The following ICA1L variants were observed in gnomAD, a reference collection of about 807,000 sequenced individuals.
ICA1L encodes the protein islet cell autoantigen 1 like.
Under a neutral mutation model 61.3 loss-of-function variants are expected in ICA1L, and 50 were observed. That is an observed-to-expected ratio of 0.82 (90% CI 0.65 to 1.03). The LOEUF (loss-of-function observed/expected upper bound fraction) is 1.03. Ranked by LOEUF, ICA1L falls within the 50% of genes least tolerant of loss-of-function variation. The probability of loss-of-function intolerance (pLI) is 0.00; values close to 1 mark genes in which losing one functional copy is unlikely to be tolerated. For missense variants in ICA1L, 508 were observed against 556.7 expected (o/e 0.91, Z 0.88); for synonymous variants, 161 against 191.3 (o/e 0.84, Z 1.31).
At chr2:202,844,021 A>G (rs1694404798) in intron 1 of ICA1L, among the ~76,000 whole-genome samples, 1 of 152,192 alleles carries the variant, frequency 6.6e-6, no homozygotes, top group African/African-American at 2.4e-5. Context: ...TGTTGAATAG[A>G]ATTCCATTGT....
intron 11 of ICA1L, among the ~76,000 whole-genome samples, chr2:202,788,624 C>T (rs79566125): frequency 2.0e-5 from 3 of 151,628 alleles, no homozygotes; most frequent in East Asian, 3.9e-4. Context: ...TGAAGGTGGG[C>T]AGGGAAACAG....
rs774515239 is a variant in ICA1L, at chr2:202,828,977, ATCT to A, written c.30_32del (p.Glu10del). 6.2e-7 allele frequency: 1 copy of A among 1,603,204 alleles called. No homozygotes were observed. Among genetic ancestry groups the A allele is most frequent in the South Asian group, 1.1e-5 (1 of 88,830 alleles). ...GCATTCTTCTGACTACTGACTGATTATCTTCTGGTCTGGGTTGCCCAAAGGAAT... is the reference window on the plus strand; with the variant it reads ...GCATTCTTCTGACTACTGACTGATTATCTGGTCTGGGTTGCCCAAAGGAAT... On this transcript the variant is annotated inframe_deletion, in exon 2 of 13. Coordinates refer to ENST00000358299, the MANE Select transcript of ICA1L (RefSeq NM_001288622.3).
At chr2:202,805,252 A>T (rs1406482666) in intron 9 of ICA1L, among the ~76,000 whole-genome samples, 1 of 152,222 alleles carries the variant, frequency 6.6e-6, no homozygotes, top group African/African-American at 2.4e-5. Context: ...TGAGGGGATG[A>T]AAATGTTCTA....
intron 1 of ICA1L, among the ~76,000 whole-genome samples, chr2:202,835,090 T>A (rs2105865568): frequency 6.6e-6 from 1 of 152,264 alleles, no homozygotes; most frequent in East Asian, 1.9e-4. Context: ...ATATTTATAT[T>A]TATGATGTAT....
At position 202,779,653 on chromosome 2, in the gene ICA1L, TAAAAA is replaced by T. The variant is rs755962113; in HGVS notation, c.1334-10_1334-6del. On this transcript the variant is annotated splice_polypyrimidine_tract_variant and splice_region_variant and intron_variant, in intron 12 of 12. Coordinates refer to ENST00000358299, the MANE Select transcript of ICA1L (RefSeq NM_001288622.3). ...CTTGGTTGCCATTGTTGGGGGCTAT[TAAAAA>T]AGAAAAAAAATACATTAAAGAGATT... 7.1e-6 allele frequency: 11 copies of T among 1,547,184 alleles called. No individual in the cohort carries two copies. Among genetic ancestry groups the T allele is most frequent in the Non-Finnish European group, 9.7e-6 (11 of 1,129,742 alleles).
chr2:202,853,581 A>G (rs1694691036), intron 1 of ICA1L, among the ~76,000 whole-genome samples: 1 of 152,062 alleles, frequency 6.6e-6, no homozygotes, highest in African/African-American at 2.4e-5. Context: ...AACCTACAGA[A>G]TGGGAGAAAA....
chr2:202,869,092 G>C (rs1574394534), intron 1 of ICA1L, among the ~76,000 whole-genome samples: 1 of 152,114 alleles, frequency 6.6e-6, no homozygotes, highest in Admixed American at 6.5e-5. Flanking sequence ...AGGCGTGGTG[G>C]CTCACGCCTG....
intron 3 of ICA1L, 34 bp downstream of exon 3, chr2:202,825,660 TG>T: frequency 7.2e-7 from 1 of 1,398,590 alleles, no homozygotes; most frequent in South Asian, 1.3e-5. Context: ...TTATTTTAAA[TG>T]GGGATTATCA....
chr2:202,829,943 A>G (rs569831222), intron 1 of ICA1L, among the ~76,000 whole-genome samples: 29 of 152,340 alleles, frequency 1.9e-4, no homozygotes, highest in African/African-American at 6.7e-4. Context: ...CATCCATTTA[A>G]TATTTTCAGA....
At chr2:202,840,527 T>A (rs886317968) in intron 1 of ICA1L, 2 of 545,984 alleles carry the variant, frequency 3.7e-6, no homozygotes, top group East Asian at 9.4e-5. Context: ...ACCACCTGCA[T>A]AGCCACTGGT....
chr2:202,811,897 TA>T, intron 8 of ICA1L, 108 bp from the exon 9 acceptor site: 1 of 780,564 alleles, frequency 1.3e-6, no homozygotes, highest in South Asian at 1.5e-5. Flanking sequence ...TCAGGAAACA[TA>T]AAATCATTGT....
chr2:202,857,863 G>GA (rs1355927242), intron 1 of ICA1L, among the ~76,000 whole-genome samples: 5 of 151,908 alleles, frequency 3.3e-5, no homozygotes, highest in African/African-American at 4.8e-5. Flanking sequence ...GAAACATACG[G>GA]AAAAAAAACT....
At position 202,774,563 on chromosome 2, in the gene ICA1L, TCA is replaced by T; in HGVS notation, c.*4968_*4969del. The T allele has an allele frequency of 2.6e-6, 1 of 378,736 alleles. No individual in the cohort carries two copies. Among genetic ancestry groups the T allele is most frequent in the Non-Finnish European group, 4.7e-6 (1 of 213,078 alleles). 23.5% of individuals were successfully genotyped at this position (378,736 alleles called of 1,614,324 possible). A position where few individuals can be genotyped will look rare whatever the true frequency, so the allele number is the denominator to read the frequency against. On this transcript the variant is annotated 3_prime_UTR_variant, in exon 13 of 13. Transcript: ENST00000358299. ...CACAGGAAAAAAAGTTGTAATATAC[TCA>T]CAGGTCCTAGAGAGACCAGTCACTG...
chr2:202,805,816 A>G (rs1485914742), intron 9 of ICA1L, among the ~76,000 whole-genome samples: 1 of 152,206 alleles, frequency 6.6e-6, no homozygotes, highest in Non-Finnish European at 1.5e-5. Flanking sequence ...AAAAGATAAA[A>G]TAATAGCATG....
At chr2:202,807,960 A>T (rs1054252403) in intron 9 of ICA1L, among the ~76,000 whole-genome samples, 1 of 152,126 alleles carries the variant, frequency 6.6e-6, no homozygotes, top group African/African-American at 2.4e-5. Context: ...CTGAATAAAC[A>T]TCAGCAGCAC....
chr2:202,821,423 A>T lies in ICA1L; in HGVS notation c.294T>A (p.Asp98Glu). ...CCATCATTTTGCCAGCTTGAGTTGC[A>T]TCCCGTTCTGCTTGAAATTTTAAAA... ...GLFLKFQAER[D>E]ATQAGKMMDA... The change falls in exon 4 of 13, where the codon GAT (aspartate) becomes GAA (glutamate). Residue 98 changes from aspartate to glutamate, a missense_variant. Physicochemically the swap from Asp to Glu is conservative, Grantham distance 45. Coordinates refer to ENST00000358299, the MANE Select transcript of ICA1L (RefSeq NM_001288622.3). 1 of 1,613,470 alleles carries T rather than the reference A, an allele frequency of 6.2e-7. No homozygotes were observed. The highest frequency in any genetic ancestry group is 8.5e-7 in the Non-Finnish European group (1 of 1,179,742).
At chr2:202,789,767 T>C (rs7588127) in intron 10 of ICA1L, among the ~76,000 whole-genome samples, 63 of 152,346 alleles carry the variant, frequency 4.1e-4, no homozygotes, top group African/African-American at 1.4e-3. Flanking sequence ...TTTTATATCA[T>C]AATCCATGGT....
chr2:202,776,576 A>G lies in ICA1L; in HGVS notation c.*2957T>C, dbSNP rs1457048835. 1 of 152,180 alleles carries G rather than the reference A, an allele frequency of 6.6e-6. No individual in the cohort carries two copies. Among genetic ancestry groups the G allele is most frequent in the Non-Finnish European group, 1.5e-5 (1 of 68,038 alleles). 9.4% of individuals were successfully genotyped at this position (152,180 alleles called of 1,614,324 possible). ...TATATTAGCAGTATTGGTTTAATAGAGCAAAATTTCTTTCTGACCACAAAA... is the reference window on the plus strand; with the variant it reads ...TATATTAGCAGTATTGGTTTAATAGGGCAAAATTTCTTTCTGACCACAAAA... On this transcript the variant is annotated 3_prime_UTR_variant, in exon 13 of 13. Transcript: ENST00000358299.
At chr2:202,836,257 G>A (rs1168639923) in intron 1 of ICA1L, among the ~76,000 whole-genome samples, 4 of 152,036 alleles carry the variant, frequency 2.6e-5, no homozygotes, top group African/African-American at 9.7e-5. Flanking sequence ...TGCCTTTTTT[G>A]TATCTATTGA....
Sources: gnomAD v4.1 joint callset for allele counts (sites outside exome capture counted in the v4.1 genomes callset) on GRCh38, gnomAD v4.1.1 for gene constraint, MANE v1.5 for transcripts, NCBI Gene and HGNC (gene_info 2026-07-23, HGNC 2026-07-21) for gene names.